The following ZNF485 variants were observed in gnomAD, a reference collection of about 807,000 sequenced individuals.
ZNF485 encodes the protein zinc finger protein 485.
A neutral mutation model predicts 10.8 loss-of-function variants in ZNF485; 9 were observed. That is an observed-to-expected ratio of 0.83 (90% CI 0.50 to 1.45). The LOEUF is 1.45. Ranked by LOEUF, ZNF485 falls within the 40% of genes most tolerant of loss-of-function variation. ZNF485 has a pLI of 0.00. For missense variants in ZNF485, 487 were observed against 528.0 expected (o/e 0.92, Z 0.76); for synonymous variants, 187 against 181.0 (o/e 1.03, Z -0.27).
rs773337342 is a variant in ZNF485 at position 43,609,327 on chromosome 10, A to G, written c.224A>G (p.Glu75Gly). 6.6e-5 allele frequency: 107 copies of G among 1,613,748 alleles called. No homozygotes were observed. The highest frequency in any genetic ancestry group is 8.8e-5 in the Non-Finnish European group (104 of 1,179,832). ...QGAEPWTEVREAPSGTHAVED... is the reference protein window; with the variant it reads ...QGAEPWTEVRGAPSGTHAVED... ...GCAGAGCCCTGGACTGAGGTGCGAGAGGCTCCATCAGGCACACATGCAGGT... is the reference window on the plus strand; with the variant it reads ...GCAGAGCCCTGGACTGAGGTGCGAGGGGCTCCATCAGGCACACATGCAGGT... The change falls in exon 4 of 5, where the codon GAG becomes GGG. Residue 75 changes from glutamate to glycine, a missense_variant. Glu to Gly is a moderately conservative substitution (Grantham distance 98). Coordinates refer to ENST00000361807, the MANE Select transcript of ZNF485 (RefSeq NM_145312.4).
At chr10:43,612,756 A>G (rs1362983087) in intron 4 of ZNF485, among the ~76,000 whole-genome samples, 1 of 151,586 alleles carries the variant, frequency 6.6e-6, no homozygotes, top group Non-Finnish European at 1.5e-5. Flanking sequence ...TTTCCCCTTT[A>G]TTAGCTCTGT....
At chr10:43,607,718 T>G (rs545788420) in intron 2 of ZNF485, among the ~76,000 whole-genome samples, 3 of 152,254 alleles carry the variant, frequency 2.0e-5, no homozygotes, top group Non-Finnish European at 4.4e-5. Flanking sequence ...TCACCTACAT[T>G]TCTACTGCTC....
chr10:43,607,197 G>A, intron 2 of ZNF485, 123 bp downstream of exon 2: 1 of 1,174,852 alleles, frequency 8.5e-7, no homozygotes, highest in Non-Finnish European at 1.2e-6. Flanking sequence ...ATCCTGGATG[G>A]GTCCCGCGAT....
chr10:43,611,406 G>A (rs1838765716), intron 4 of ZNF485, among the ~76,000 whole-genome samples: 1 of 151,896 alleles, frequency 6.6e-6, no homozygotes, highest in African/African-American at 2.4e-5. Flanking sequence ...TCCACTTTAT[G>A]GATGTCCTAT....
rs1317049757 is a variant in ZNF485 at position 43,617,147 on chromosome 10, C to A, written c.1104C>A (p.Thr368=). The A allele has an allele frequency of 1.2e-6, 2 of 1,614,080 alleles. No individual in the cohort carries two copies. Among genetic ancestry groups the A allele is most frequent in the South Asian group, 2.2e-5 (2 of 91,072 alleles). The part of the protein sequence containing the change: ...DCGKAFTKSS[T]LTGHQRIHTG... ...GGAAGGCCTTTACAAAGAGCTCAACCCTTACTGGACATCAGAGAATTCATA... is the reference window on the plus strand; with the variant it reads ...GGAAGGCCTTTACAAAGAGCTCAACACTTACTGGACATCAGAGAATTCATA... The change falls in exon 5 of 5, where the codon ACC becomes ACA. Residue 368 remains threonine (T), a synonymous_variant. Coordinates refer to ENST00000361807, the MANE Select transcript of ZNF485 (RefSeq NM_145312.4).
rs1036789960 is a variant in ZNF485, at chr10:43,616,292, C to T, written c.249C>T (p.Val83=). Residue 83 remains valine, a splice_region_variant and synonymous_variant, in exon 5 of 5, where the codon GTC becomes GTT. Coordinates refer to ENST00000361807, the MANE Select transcript of ZNF485 (RefSeq NM_145312.4). The part of the protein sequence containing the change: ...VREAPSGTHA[V]EDYWFETKMS... ...TGAATTTTTAAAATTTTCTTTCAGT[C>T]GAGGATTACTGGTTTGAAACAAAGA... The T allele has an allele frequency of 5.2e-6, 8 of 1,550,504 alleles. No individual in the cohort carries two copies. Among genetic ancestry groups the T allele is most frequent in the Admixed American group, 4.4e-5 (2 of 45,936 alleles).
Position 43,607,009 on chromosome 10 carries a change from A to G in ZNF485, c.-42A>G, listed in dbSNP as rs1021839025. 4.5e-6 allele frequency: 7 copies of G among 1,551,570 alleles called. No homozygotes were observed. The highest frequency in any genetic ancestry group is 4.4e-6 in the Non-Finnish European group (5 of 1,146,816). On this transcript the variant is annotated 5_prime_UTR_variant, in exon 2 of 5. Transcript: ENST00000361807. ...TCTTCTTTCCCAGATTGACTTACGC[A>G]GGATTCTCAGCCCTTGCCTGGGAGA...
intron 4 of ZNF485, among the ~76,000 whole-genome samples, 178 bp from the exon 5 acceptor site, chr10:43,616,113 T>G (rs1838851212): frequency 6.6e-6 from 1 of 152,230 alleles, no homozygotes; most frequent in Non-Finnish European, 1.5e-5. Context: ...AAATCATACT[T>G]CCTTTTCCTG....
intron 4 of ZNF485, among the ~76,000 whole-genome samples, chr10:43,610,350 G>C (rs1409401166): frequency 6.6e-6 from 1 of 151,966 alleles, no homozygotes; most frequent in East Asian, 1.9e-4. Flanking sequence ...AACTCTAATT[G>C]TCATTTTGCC....
Position 43,617,101 on chromosome 10 carries a change from C to A in ZNF485, c.1058C>A (p.Pro353Gln). The change falls in exon 5 of 5, where the codon CCG becomes CAG. Residue 353 changes from proline (P) to glutamine (Q), a missense_variant. By Grantham distance (76) the Pro-to-Gln change is moderately conservative. Transcript: ENST00000361807. ...GHQKTHSGNK[P>Q]YQCRDCGKAF... ...CAGAAAACTCACAGTGGAAATAAACCGTATCAGTGTCGTGACTGTGGGAAG... is the reference window on the plus strand; with the variant it reads ...CAGAAAACTCACAGTGGAAATAAACAGTATCAGTGTCGTGACTGTGGGAAG... 6.2e-7 allele frequency: 1 copy of A among 1,614,138 alleles called. No individual in the cohort carries two copies. The highest frequency in any genetic ancestry group is 8.5e-7 in the Non-Finnish European group (1 of 1,180,032).
At chr10:43,608,543 C>T (rs1305283628) in intron 2 of ZNF485, 71 bp from the exon 3 acceptor site, 5 of 1,537,186 alleles carry the variant, frequency 3.3e-6, no homozygotes, top group East Asian at 2.4e-5. Flanking sequence ...GCTTTGACCA[C>T]CTTGCTTCCT....
chr10:43,616,904 A>G lies in ZNF485; in HGVS notation c.861A>G (p.Glu287=). The G allele has an allele frequency of 6.2e-7, 1 of 1,614,118 alleles. No individual in the cohort carries two copies. Among genetic ancestry groups the G allele is most frequent in the Non-Finnish European group, 8.5e-7 (1 of 1,180,036 alleles). ...TCAGGGATAATTCAACTGTGTTGGAACATCAGAAAATCCATACTGGTGAGA... is the reference window on the plus strand; with the variant it reads ...TCAGGGATAATTCAACTGTGTTGGAGCATCAGAAAATCCATACTGGTGAGA... ...RAFRDNSTVL[E]HQKIHTGEKP... Residue 287 remains glutamate (E), a synonymous_variant, in exon 5 of 5, where the codon GAA becomes GAG. Coordinates refer to ENST00000361807, the MANE Select transcript of ZNF485 (RefSeq NM_145312.4).
rs749125812 is a variant in ZNF485, at chr10:43,616,362, G to T, written c.319G>T (p.Glu107Ter). ...CACTTCTGAAGCATCTGTTCTGGGA[G>T]AGCGAACGAAAAGTGTCATGATGGA... ...QSTSEASVLG[E>*]RTKSVMMEKG... is the part of the protein sequence containing the mutation. The change falls in exon 5 of 5, where the codon GAG becomes TAG. Residue 107 changes from glutamate (E) to a stop codon, truncating the protein, a stop_gained. Transcript: ENST00000361807. LOFTEE classifies it low-confidence loss of function (END_TRUNC). 4 of 1,613,866 alleles carry T rather than the reference G, an allele frequency of 2.5e-6. No homozygotes were observed. Among genetic ancestry groups the T allele is most frequent in the African/African-American group, 2.7e-5 (2 of 74,894 alleles).
chr10:43,611,276 C>T (rs1213350450), intron 4 of ZNF485, among the ~76,000 whole-genome samples: 4 of 151,842 alleles, frequency 2.6e-5, no homozygotes, highest in Non-Finnish European at 4.4e-5. Context: ...CTATTTTGCC[C>T]AGGCTGGTCT....
Position 43,616,825 on chromosome 10 carries a change from A to C in ZNF485, c.782A>C (p.Glu261Ala), listed in dbSNP as rs370095478. The stretch of plus-strand genomic sequence containing the variant: ...CAGAATGCAGCTCTTACTCGTCATG[A>C]AAGAATACATAGTGGAGAGAAGCCT... ...FAQNAALTRH[E>A]RIHSGEKPFK... The change falls in exon 5 of 5, where the codon GAA (glutamate) becomes GCA (alanine). Residue 261 changes from glutamate to alanine, a missense_variant. Glu to Ala is a moderately radical substitution (Grantham distance 107). Coordinates refer to ENST00000361807, the MANE Select transcript of ZNF485 (RefSeq NM_145312.4). The C allele has an allele frequency of 6.2e-6, 10 of 1,614,024 alleles. No homozygotes were observed. Among genetic ancestry groups the C allele is most frequent in the East Asian group, 2.2e-5 (1 of 44,896 alleles).
At chr10:43,611,031 C>A (rs572115945) in intron 4 of ZNF485, among the ~76,000 whole-genome samples, 3 of 151,694 alleles carry the variant, frequency 2.0e-5, no homozygotes, top group Admixed American at 1.3e-4. Flanking sequence ...TCTCTCTCTC[C>A]TCTCTCTCTT....
rs149084067 is a variant in ZNF485, at chr10:43,616,369, C to T, written c.326C>T (p.Thr109Met). ...TSEASVLGER[T>M]KSVMMEKGLD... ...GAAGCATCTGTTCTGGGAGAGCGAA[C>T]GAAAAGTGTCATGATGGAAAAAGGC... Residue 109 changes from threonine (T) to methionine (M), a missense_variant, in exon 5 of 5, where the codon ACG becomes ATG. By Grantham distance (81) the Thr-to-Met change is moderately conservative. Coordinates refer to ENST00000361807, the MANE Select transcript of ZNF485 (RefSeq NM_145312.4). 112 of 1,613,866 alleles carry T rather than the reference C, an allele frequency of 6.9e-5. No individual in the cohort carries two copies. The highest frequency in any genetic ancestry group is 3.3e-4 in the Admixed American group (20 of 59,948).
intron 3 of ZNF485, 28 bp downstream of exon 3, chr10:43,608,768 G>T: frequency 1.2e-6 from 2 of 1,608,718 alleles, no homozygotes; most frequent in South Asian, 1.1e-5. Context: ...CTTGACTCAG[G>T]ATTGGTCTGC....
Position 43,606,460 on chromosome 10 carries a change from C to G in ZNF485, c.-141C>G, listed in dbSNP as rs56333360. On this transcript the variant is annotated 5_prime_UTR_variant, in exon 1 of 5. Transcript: ENST00000361807. ...CGCGTGGTGCGAGCGCTGCACCAGC[C>G]CCTGGCTGGTGGTTACTGTCCGAAC... The G allele has an allele frequency of 0.018, 7,358 of 409,888 alleles. 100 individuals are homozygous for G. The highest frequency in any genetic ancestry group is 0.026 in the Middle Eastern group (33 of 1,286). The allele number at this position is 409,888 out of a possible 1,614,324, so 25.4% of individuals were successfully genotyped here.
Sources: gnomAD v4.1 joint callset for allele counts (sites outside exome capture counted in the v4.1 genomes callset) on GRCh38, gnomAD v4.1.1 for gene constraint, MANE v1.5 for transcripts, NCBI Gene and HGNC (gene_info 2026-07-23, HGNC 2026-07-21) for gene names.